Variants in COL4A3 observed in about 807,000 individuals in gnomAD.
COL4A3 encodes collagen alpha-3(IV) chain.
In COL4A3, 135 loss-of-function variants were observed where a neutral mutation model predicts 217.4. That is an observed-to-expected ratio of 0.62 (90% CI 0.54 to 0.72). COL4A3 has a LOEUF of 0.72. Ranked by LOEUF, COL4A3 falls within the 30% of genes least tolerant of loss-of-function variation. The probability of loss-of-function intolerance (pLI) is 0.00; values close to 1 mark genes in which losing one functional copy is unlikely to be tolerated. For synonymous variants in COL4A3, 690 were observed against 736.3 expected, an observed-to-expected ratio of 0.94 and a Z score of 1.02; for missense variants, 1,868 against 2,119.9, an observed-to-expected ratio of 0.88 and a Z score of 2.33.
chr2:227,234,362 T>G lies in COL4A3; in HGVS notation c.88-3606T>G, dbSNP rs116605884. 4.9e-3 allele frequency among the ~76,000 whole-genome samples: 749 copies of G among 152,326 alleles called. 6 individuals carry two copies. Among genetic ancestry groups the G allele is most frequent in the African/African-American group, 0.017 (689 of 41,564 alleles). On this transcript the variant is annotated intron_variant, in intron 1 of 51. Coordinates refer to ENST00000396578, the MANE Select transcript of COL4A3 (RefSeq NM_000091.5). ...TTAATCCAAGCAACTAATAAATAATTAGGCTTGTGTTAATTTTAACGTGTG... is the reference window on the plus strand; with the variant it reads ...TTAATCCAAGCAACTAATAAATAATGAGGCTTGTGTTAATTTTAACGTGTG...
chr2:227,198,601 C>T lies in COL4A3; in HGVS notation c.87+33788C>T, dbSNP rs150611121. ...TAAAAATGTATTCATCTAACAAACA[C>T]TCCACACCATGTACTACTACTGGAG... is the stretch of plus-strand genomic sequence containing the variant. On this transcript the variant is annotated intron_variant, in intron 1 of 51. Coordinates refer to ENST00000396578, the MANE Select transcript of COL4A3 (RefSeq NM_000091.5). Among the ~76,000 whole-genome samples, 28 of 152,218 alleles carry T rather than the reference C, an allele frequency of 1.8e-4. No individual in the cohort carries two copies. In the East Asian group the frequency reaches 5.2e-3, roughly 28 times the overall value.
chr2:227,217,230 G>A (rs2067559615), intron 1 of COL4A3, among the ~76,000 whole-genome samples: 1 of 152,076 alleles, frequency 6.6e-6, no homozygotes, highest in Non-Finnish European at 1.5e-5. Context: ...AGAACAGTAT[G>A]GGAGAACCAC....
chr2:227,254,684 A>C lies in COL4A3; in HGVS notation c.857A>C (p.Glu286Ala). 6.2e-7 allele frequency: 1 copy of C among 1,612,844 alleles called. No homozygotes were observed. The highest frequency in any genetic ancestry group is 8.5e-7 in the Non-Finnish European group (1 of 1,178,868). ...SGLPGESYGS[E>A]KGAPGDPGLQ... Reference sequence around the variant, plus strand: ...CTGCCTGGAGAATCATATGGATCTGAAAAGGGTGCTCCTGGAGACCCTGGC... The same window carrying C: ...CTGCCTGGAGAATCATATGGATCTGCAAAGGGTGCTCCTGGAGACCCTGGC... The change falls in exon 15 of 52, where the codon GAA (glutamate) becomes GCA (alanine). Residue 286 changes from glutamate to alanine, a missense_variant. Glu to Ala is a moderately radical substitution (Grantham distance 107, BLOSUM62 -1). Around this residue, in one of 2 missense-constraint regions of COL4A3, gnomAD observed 1,503 missense variants for 1,786.1 expected, o/e 0.84. Coordinates refer to ENST00000396578, the MANE Select transcript of COL4A3 (RefSeq NM_000091.5).
At position 227,244,283 on chromosome 2, in the gene COL4A3, C is replaced by G. The variant is rs114553880; in HGVS notation, c.235-37C>G. ...GGGTTTCTTAGTGCCAAATAATTTT[C>G]AGAGTGTTTACTTTTTCTTTTTTCA... On this transcript the variant is annotated intron_variant, in intron 3 of 51. Transcript: ENST00000396578. 1,150 of 1,601,036 alleles carry G rather than the reference C, an allele frequency of 7.2e-4. 9 individuals carry two copies. The African/African-American group carries it at 0.014, about 19-fold the overall frequency.
At chr2:227,214,204 A>G (rs10169268) in intron 1 of COL4A3, among the ~76,000 whole-genome samples, 11,598 of 152,230 alleles carry the variant, frequency 0.076, 640 homozygotes, top group African/African-American at 0.15. Context: ...ATTTGATAAT[A>G]TACAATGTCT....
At chr2:227,287,640 C>T (rs1413302036) in intron 34 of COL4A3, among the ~76,000 whole-genome samples, 2 of 152,208 alleles carry the variant, frequency 1.3e-5, no homozygotes, top group Admixed American at 6.5e-5. Flanking sequence ...TGATACTCAT[C>T]ACTCCTTTCT....
At chr2:227,190,881 T>G (rs2066212203) in intron 1 of COL4A3, among the ~76,000 whole-genome samples, 1 of 152,174 alleles carries the variant, frequency 6.6e-6, no homozygotes, top group Non-Finnish European at 1.5e-5. Context: ...CACTCCAGAC[T>G]GGGTAACAGT....
At chr2:227,201,283 A>C (rs1399799404) in intron 1 of COL4A3, among the ~76,000 whole-genome samples, 1 of 152,196 alleles carries the variant, frequency 6.6e-6, no homozygotes, top group Non-Finnish European at 1.5e-5. Flanking sequence ...TTTTCCACTA[A>C]GGAGGAAAAA....
chr2:227,309,331 G>T lies in COL4A3; in HGVS notation c.4755+13G>T. The T allele has an allele frequency of 6.3e-7, 1 of 1,596,160 alleles. No individual in the cohort carries two copies. Among genetic ancestry groups the T allele is most frequent in the Non-Finnish European group, 8.6e-7 (1 of 1,164,826 alleles). ...TTCATTCATCATGGTGAGGAGAAAA[G>T]GAACAGGAGGTTTAGGGTAAAGACT... On this transcript the variant is annotated intron_variant, in intron 50 of 51. Coordinates refer to ENST00000396578, the MANE Select transcript of COL4A3 (RefSeq NM_000091.5).
At chr2:227,261,213 G>A (rs2070542811) in intron 20 of COL4A3, 96 bp downstream of exon 20, 1 of 1,107,764 alleles carries the variant, frequency 9.0e-7, no homozygotes, top group African/African-American at 1.6e-5. Flanking sequence ...TAAGACAAAT[G>A]TTTCATTAAC....
At chr2:227,235,018 C>T (rs910890534) in intron 1 of COL4A3, among the ~76,000 whole-genome samples, 2 of 152,140 alleles carry the variant, frequency 1.3e-5, no homozygotes, top group African/African-American at 4.8e-5. Flanking sequence ...AGGTCCATGC[C>T]CAGGTTAAGC....
chr2:227,251,232 T>G, intron 10 of COL4A3, 30 bp downstream of exon 10: 1 of 1,601,866 alleles, frequency 6.2e-7, no homozygotes, highest in Non-Finnish European at 8.6e-7. Flanking sequence ...TGCTACAGAC[T>G]CTGTCAACTA....
intron 1 of COL4A3, among the ~76,000 whole-genome samples, chr2:227,224,521 C>T (rs965970026): frequency 1.8e-4 from 28 of 152,136 alleles, no homozygotes; most frequent in East Asian, 1.5e-3. Context: ...GAGGCCAAGG[C>T]GGGTGGATCA....
intron 1 of COL4A3, among the ~76,000 whole-genome samples, chr2:227,177,485 A>AT (rs1409436851): frequency 1.3e-5 from 2 of 152,184 alleles, no homozygotes; most frequent in East Asian, 3.9e-4. Flanking sequence ...TTAAATGTCT[A>AT]TAGAGAACTT....
chr2:227,310,696 A>G (rs2073706967), intron 50 of COL4A3, 80 bp from the exon 51 acceptor site: 2 of 1,203,016 alleles, frequency 1.7e-6, no homozygotes, highest in South Asian at 1.2e-5. Flanking sequence ...TTGCCCATTC[A>G]TTCAAAAAAA....
At chr2:227,296,425 C>G (rs533375174) in intron 41 of COL4A3, 2 of 801,610 alleles carry the variant, frequency 2.5e-6, no homozygotes, top group South Asian at 1.1e-4. Context: ...GGTTTAAAAG[C>G]CTTAAAACTA....
chr2:227,168,881 T>C (rs991024414), intron 1 of COL4A3, among the ~76,000 whole-genome samples: 1 of 151,238 alleles, frequency 6.6e-6, no homozygotes, highest in Admixed American at 6.6e-5. Context: ...CTTCTTTTTT[T>C]TCTTTTTTTT....
chr2:227,270,757 T>C lies in COL4A3; in HGVS notation c.1576-13T>C. On this transcript the variant is annotated splice_polypyrimidine_tract_variant and intron_variant, in intron 24 of 51. Coordinates refer to ENST00000396578, the MANE Select transcript of COL4A3 (RefSeq NM_000091.5). ...ACAAAATACAATACAGATTCATTTG[T>C]GTACTACCCTAGGGTTTCCCAGGTG... 1 of 1,612,718 alleles carries C rather than the reference T, an allele frequency of 6.2e-7. No individual in the cohort carries two copies. Among genetic ancestry groups the C allele is most frequent in the Non-Finnish European group, 8.5e-7 (1 of 1,178,780 alleles).
At chr2:227,248,183 G>A (rs748226596) in intron 8 of COL4A3, 18 of 395,898 alleles carry the variant, frequency 4.5e-5, no homozygotes, top group Non-Finnish European at 8.6e-5. Flanking sequence ...CGGGTGATCT[G>A]CCCGTTTTGA....
Sources: gnomAD v4.1 joint callset for allele counts (sites outside exome capture counted in the v4.1 genomes callset) on GRCh38, gnomAD v4.1.1 for gene constraint, gnomAD v4.1.1 regional missense constraint, MANE v1.5 for transcripts, NCBI Gene and HGNC (gene_info 2026-07-23, HGNC 2026-07-21) for gene names.